TMTC2: variants seen among roughly 807,000 people sequenced by gnomAD.
TMTC2 encodes transmembrane O-mannosyltransferase targeting cadherins 2.
A neutral mutation model predicts 82.4 loss-of-function variants in TMTC2; 43 were observed. The observed-to-expected ratio is 0.52, with a 90% CI of 0.41 to 0.67. The LOEUF is 0.67. Among genes scored for constraint, TMTC2 ranks in the 30% least tolerant of loss-of-function variants. TMTC2 has a pLI of 0.00. For missense variants in TMTC2, 919 were observed against 1,012.4 expected (o/e 0.91, Z 1.25); for synonymous variants, 408 against 381.9 (o/e 1.07, Z -0.80).
At chr12:82,693,518 A>C (rs1403859776) in intron 1 of TMTC2, among the ~76,000 whole-genome samples, 1 of 152,070 alleles carries the variant, frequency 6.6e-6, no homozygotes, top group Admixed American at 6.5e-5. Flanking sequence ...GGGATTCAAG[A>C]TTTTTGCCTC....
rs149301879 is a variant in TMTC2 at position 82,798,024 on chromosome 12, G to A, written c.84-58986G>A. ...GCGATCTCGGCTCACTGCAAGCTCC[G>A]CCTCCCAGGTTCACACCATTCTCCT... On this transcript the variant is annotated intron_variant, in intron 1 of 11. Coordinates refer to ENST00000321196, the MANE Select transcript of TMTC2 (RefSeq NM_152588.3). 6.8e-3 allele frequency among the ~76,000 whole-genome samples: 968 copies of A among 142,226 alleles called. 9 individuals carry two copies. Among genetic ancestry groups the A allele is most frequent in the African/African-American group, 0.024 (909 of 38,228 alleles). 93.3% of individuals were successfully genotyped at this position (142,226 alleles called of 152,430 possible).
At chr12:83,033,675 C>T (rs111500457) in intron 9 of TMTC2, among the ~76,000 whole-genome samples, 27,241 of 151,464 alleles carry the variant, frequency 0.18, 2,472 homozygotes, top group Middle Eastern at 0.25. Context: ...CACTTGAACC[C>T]GGGAGGCAGA....
At chr12:83,036,433 T>G (rs1881664773) in intron 9 of TMTC2, among the ~76,000 whole-genome samples, 1 of 151,882 alleles carries the variant, frequency 6.6e-6, no homozygotes, top group Non-Finnish European at 1.5e-5. Flanking sequence ...ACTGTACATT[T>G]ATTAAGCACT....
At chr12:82,901,878 G>A (rs1407799801) in intron 3 of TMTC2, among the ~76,000 whole-genome samples, 3 of 150,404 alleles carry the variant, frequency 2.0e-5, no homozygotes, top group Non-Finnish European at 3.0e-5. Flanking sequence ...TATTTCAGCT[G>A]TAATCAACTA....
At chr12:82,876,118 G>A (rs1266960481) in intron 2 of TMTC2, among the ~76,000 whole-genome samples, 4 of 148,188 alleles carry the variant, frequency 2.7e-5, no homozygotes, top group African/African-American at 7.5e-5. Context: ...GGTGGTGGTG[G>A]TGGTATTAGT....
chr12:83,021,295 T>G (rs1347697961), intron 8 of TMTC2, among the ~76,000 whole-genome samples: 2 of 152,148 alleles, frequency 1.3e-5, no homozygotes, highest in Non-Finnish European at 2.9e-5. Flanking sequence ...TTCCACACTC[T>G]TTTATCCTAG....
chr12:82,982,675 C>T (rs115349870), intron 7 of TMTC2, among the ~76,000 whole-genome samples: 2,748 of 151,952 alleles, frequency 0.018, 80 homozygotes, highest in African/African-American at 0.062. Context: ...AAGCCCAAGG[C>T]AAAGTGAAAT....
intron 1 of TMTC2, among the ~76,000 whole-genome samples, chr12:82,707,166 G>C (rs1474285287): frequency 6.6e-6 from 1 of 152,188 alleles, no homozygotes; most frequent in Non-Finnish European, 1.5e-5. Context: ...AGATCAAGGT[G>C]CTAGCAGATA....
chr12:83,099,981 G>A (rs374714684), intron 11 of TMTC2, among the ~76,000 whole-genome samples: 6 of 151,400 alleles, frequency 4.0e-5, no homozygotes, highest in South Asian at 2.1e-4. Flanking sequence ...GTACAGTCGC[G>A]CAATCTCGGC....
At chr12:82,866,989 G>A (rs556213507) in intron 2 of TMTC2, among the ~76,000 whole-genome samples, 1 of 152,266 alleles carries the variant, frequency 6.6e-6, no homozygotes, top group Admixed American at 6.5e-5. Context: ...ATCAGATTTT[G>A]TACTTAATGG....
chr12:83,101,935 G>T (rs554448473), intron 11 of TMTC2, among the ~76,000 whole-genome samples: 1 of 152,314 alleles, frequency 6.6e-6, no homozygotes, highest in Non-Finnish European at 1.5e-5. Context: ...AAAATGACTT[G>T]TCTGGCTTAA....
intron 1 of TMTC2, among the ~76,000 whole-genome samples, chr12:82,839,203 ACTT>A (rs548935002): frequency 1.3e-5 from 2 of 152,144 alleles, no homozygotes; most frequent in African/African-American, 2.4e-5. Context: ...GAAAGATTGA[ACTT>A]CTCCCCAGGA....
chr12:83,080,340 T>G (rs1053822621), intron 11 of TMTC2, among the ~76,000 whole-genome samples: 1 of 152,144 alleles, frequency 6.6e-6, no homozygotes, highest in Non-Finnish European at 1.5e-5. Flanking sequence ...TAATGTGTAT[T>G]TAAACCACTA....
intron 4 of TMTC2, among the ~76,000 whole-genome samples, chr12:82,958,362 A>C (rs1565827870): frequency 1.0e-5 from 1 of 96,458 alleles, no homozygotes; most frequent in Non-Finnish European, 2.0e-5. Flanking sequence ...CTCAAAAAAA[A>C]AAAAAAAACA....
In TMTC2 at chr12:83,021,604, T is replaced by A. The variant is rs78255398; in HGVS notation, c.2071-9194T>A. Among the ~76,000 whole-genome samples, 177 of 28,524 alleles carry A rather than the reference T, an allele frequency of 6.2e-3. 3 individuals carry two copies. In the Middle Eastern group the frequency reaches 0.19, roughly 31 times the overall value. 18.7% of individuals were successfully genotyped at this position (28,524 alleles called of 152,430 possible). On this transcript the variant is annotated intron_variant, in intron 8 of 11. Transcript: ENST00000321196. Reference sequence around the variant, plus strand: ...AGTGAGACCCCATCTATAAAAAAAATTTTTTTTTAATGTAGAGTCATCTTT... The same window carrying A: ...AGTGAGACCCCATCTATAAAAAAAAATTTTTTTTAATGTAGAGTCATCTTT...
intron 9 of TMTC2, among the ~76,000 whole-genome samples, chr12:83,039,292 C>T (rs1881800144): frequency 6.6e-6 from 1 of 151,886 alleles, no homozygotes; most frequent in Non-Finnish European, 1.5e-5. Flanking sequence ...GGTAACCAAC[C>T]AATTATCCAT....
At chr12:82,794,213 A>T (rs1878602967) in intron 1 of TMTC2, among the ~76,000 whole-genome samples, 1 of 151,280 alleles carries the variant, frequency 6.6e-6, no homozygotes, top group African/African-American at 2.4e-5. Flanking sequence ...GCTAGTGTTG[A>T]CTCCTGGGGC....
At chr12:83,016,949 G>T (rs1880706435) in intron 8 of TMTC2, among the ~76,000 whole-genome samples, 1 of 152,152 alleles carries the variant, frequency 6.6e-6, no homozygotes, top group South Asian at 2.1e-4. Context: ...ATAGTAAGCT[G>T]CTCTATAATA....
intron 8 of TMTC2, among the ~76,000 whole-genome samples, chr12:83,008,451 C>G (rs1880303557): frequency 6.6e-6 from 1 of 152,176 alleles, no homozygotes; most frequent in Admixed American, 6.5e-5. Context: ...CTTAGCCATC[C>G]TGGGTCTTCT....
Sources: gnomAD v4.1 joint callset for allele counts (sites outside exome capture counted in the v4.1 genomes callset) on GRCh38, gnomAD v4.1.1 for gene constraint, MANE v1.5 for transcripts, NCBI Gene and HGNC (gene_info 2026-07-23, HGNC 2026-07-21) for gene names.